Variants in CTNNA2 observed in about 807,000 individuals in gnomAD.
CTNNA2 encodes the protein catenin alpha-2.
A neutral mutation model predicts 101.0 loss-of-function variants in CTNNA2; 42 were observed. The observed-to-expected ratio is 0.42, with a 90% CI of 0.32 to 0.54. The LOEUF (loss-of-function observed/expected upper bound fraction) is 0.54. Ranked by LOEUF, CTNNA2 falls within the 20% of genes least tolerant of loss-of-function variation. The pLI is 0.14. For synonymous variants in CTNNA2, 450 were observed against 456.4 expected, an observed-to-expected ratio of 0.99 and a Z score of 0.18; for missense variants, 871 against 1,223.1, an observed-to-expected ratio of 0.71 and a Z score of 4.29.
intron 1 of CTNNA2, among the ~76,000 whole-genome samples, chr2:79,196,702 T>C (rs1673966109): frequency 6.6e-6 from 1 of 152,252 alleles, no homozygotes; most frequent in Admixed American, 6.5e-5. Context: ...TTCAAAATGT[T>C]CTGCTTTATA....
chr2:79,565,252 A>G (rs1675037188), intron 1 of CTNNA2, among the ~76,000 whole-genome samples: 2 of 18,714 alleles, frequency 1.1e-4, no homozygotes, highest in Non-Finnish European at 1.3e-4. Flanking sequence ...GTGAAAAGGA[A>G]AAAAAAAAAG....
Position 79,776,575 on chromosome 2 carries a change from C to T in CTNNA2, c.298+31993C>T, listed in dbSNP as rs572453225. On this transcript the variant is annotated intron_variant, in intron 3 of 18. Transcript: ENST00000402739. ...CTGGGATAGAATTGCCAAATATATCCGCACATTCAAGCATTTAAATCCACT... is the reference window on the plus strand; with the variant it reads ...CTGGGATAGAATTGCCAAATATATCTGCACATTCAAGCATTTAAATCCACT... Among the ~76,000 whole-genome samples the T allele has an allele frequency of 1.2e-4, 18 of 152,188 alleles. No individual in the cohort carries two copies. In the South Asian group the frequency reaches 2.3e-3, roughly 19 times the overall value.
chr2:80,388,907 AT>A (rs1343745303), intron 7 of CTNNA2, among the ~76,000 whole-genome samples: 1 of 152,202 alleles, frequency 6.6e-6, no homozygotes, highest in Non-Finnish European at 1.5e-5. Flanking sequence ...ACTAGACAAA[AT>A]ATGTCCCAGG....
chr2:80,501,380 G>A (rs1687868098), intron 9 of CTNNA2, among the ~76,000 whole-genome samples: 1 of 152,172 alleles, frequency 6.6e-6, no homozygotes, highest in African/African-American at 2.4e-5. Flanking sequence ...AGCTGACATT[G>A]TATTACTAAC....
intron 3 of CTNNA2, among the ~76,000 whole-genome samples, chr2:79,845,731 A>G (rs1680184518): frequency 6.6e-6 from 1 of 152,186 alleles, no homozygotes. Flanking sequence ...GTCATATTGG[A>G]TTTAGGGTTT....
chr2:79,399,065 T>G (rs1226941323), intron 4 of CTNNA2, among the ~76,000 whole-genome samples: 1 of 152,122 alleles, frequency 6.6e-6, no homozygotes, highest in Non-Finnish European at 1.5e-5. Flanking sequence ...TGTTCACTAT[T>G]TATGACAGCT....
chr2:79,600,820 A>G (rs943728112), intron 1 of CTNNA2, among the ~76,000 whole-genome samples: 1 of 152,046 alleles, frequency 6.6e-6, no homozygotes, highest in Admixed American at 6.6e-5. Context: ...TGGTTTGTAT[A>G]CTGCCATATT....
At chr2:79,236,434 T>C (rs1377022678) in intron 2 of CTNNA2, among the ~76,000 whole-genome samples, 4 of 152,206 alleles carry the variant, frequency 2.6e-5, no homozygotes, top group African/African-American at 9.6e-5. Context: ...CACCTTTAAG[T>C]CATAATCATT....
chr2:80,120,380 C>T (rs1007378708), intron 7 of CTNNA2, among the ~76,000 whole-genome samples: 8 of 152,126 alleles, frequency 5.3e-5, no homozygotes, highest in Admixed American at 1.3e-4. Flanking sequence ...AAAACTCCTT[C>T]GGGATACCCT....
chr2:79,587,832 A>G (rs1676593926), intron 1 of CTNNA2, among the ~76,000 whole-genome samples: 1 of 152,186 alleles, frequency 6.6e-6, no homozygotes. Flanking sequence ...ACTCCCTGTC[A>G]ATGCCATTGC....
At chr2:80,187,688 G>T (rs1185645303) in intron 7 of CTNNA2, among the ~76,000 whole-genome samples, 1 of 152,162 alleles carries the variant, frequency 6.6e-6, no homozygotes, top group Non-Finnish European at 1.5e-5. Flanking sequence ...AGCAACATCC[G>T]TAGAGGAAGA....
chr2:80,251,230 G>A (rs1384379874), intron 7 of CTNNA2, among the ~76,000 whole-genome samples: 1 of 152,042 alleles, frequency 6.6e-6, no homozygotes, highest in Admixed American at 6.6e-5. Flanking sequence ...ACTACGTCCG[G>A]CACCCGGCAT....
chr2:80,636,054 A>G (rs1003020009), intron 18 of CTNNA2, among the ~76,000 whole-genome samples: 1 of 148,416 alleles, frequency 6.7e-6, no homozygotes, highest in Admixed American at 6.9e-5. Flanking sequence ...GTCCTTTTCA[A>G]TAACCTTGGA....
chr2:79,990,453 CTAAGAA>C (rs1390160410), intron 7 of CTNNA2, among the ~76,000 whole-genome samples: 1 of 152,084 alleles, frequency 6.6e-6, no homozygotes, highest in Non-Finnish European at 1.5e-5. Context: ...TACACGGTGG[CTAAGAA>C]AACTAACTTT....
intron 4 of CTNNA2, among the ~76,000 whole-genome samples, chr2:79,433,470 A>C (rs979478593): frequency 6.6e-6 from 1 of 152,084 alleles, no homozygotes; most frequent in Non-Finnish European, 1.5e-5. Context: ...CTTGTTTTTA[A>C]AAATATTCAT....
intron 2 of CTNNA2, among the ~76,000 whole-genome samples, chr2:79,229,486 G>T (rs2217746): frequency 6.6e-6 from 1 of 152,110 alleles, no homozygotes; most frequent in South Asian, 2.1e-4. Flanking sequence ...CACCATGATT[G>T]TGTGACCTTC....
At chr2:79,479,426 C>T (rs1430116332) in intron 4 of CTNNA2, among the ~76,000 whole-genome samples, 1 of 152,172 alleles carries the variant, frequency 6.6e-6, no homozygotes, top group East Asian at 1.9e-4. Context: ...CCATTTTGGT[C>T]TGGCACCTGT....
chr2:79,879,873 G>A (rs60950740), intron 6 of CTNNA2, among the ~76,000 whole-genome samples: 16 of 152,062 alleles, frequency 1.1e-4, no homozygotes, highest in Non-Finnish European at 1.8e-4. Flanking sequence ...GGAGTGGTGA[G>A]AGAGGGCAGT....
At position 79,753,890 on chromosome 2, in the gene CTNNA2, A is replaced by T. The variant is rs1027641609; in HGVS notation, c.298+9308A>T. Among the ~76,000 whole-genome samples the T allele has an allele frequency of 7.4e-4, 91 of 122,416 alleles. 1 individual carries two copies. Among genetic ancestry groups the T allele is most frequent in the Non-Finnish European group, 1.2e-3 (71 of 61,472 alleles). The allele number at this position is 122,416 out of a possible 152,430, so 80.3% of individuals were successfully genotyped here. ...CTCTTTTTTTTTTTTTTTTTTTGAG[A>T]TGGAGTCTTGCTCTGTCACCCAGGT... is the stretch of plus-strand genomic sequence containing the variant. On this transcript the variant is annotated intron_variant, in intron 3 of 18. Transcript: ENST00000402739.
Sources: allele counts gnomAD v4.1 joint callset (sites outside exome capture counted in the v4.1 genomes callset), GRCh38; gene constraint gnomAD v4.1.1; transcripts MANE v1.5; gene names NCBI Gene and HGNC (gene_info 2026-07-23, HGNC 2026-07-21).